Variants in RANBP2 observed in about 807,000 individuals in gnomAD.
RANBP2 encodes RAN binding protein 2, also known as E3 SUMO-protein ligase RanBP2.
A neutral mutation model predicts 303.6 loss-of-function variants in RANBP2; 57 were observed. The observed-to-expected ratio is 0.19, with a 90% CI of 0.15 to 0.23. The LOEUF (loss-of-function observed/expected upper bound fraction) is 0.23, where lower values mean the gene tolerates loss of function less well. Ranked by LOEUF, RANBP2 falls within the 10% of genes least tolerant of loss-of-function variation. RANBP2 has a pLI of 1.00. For synonymous variants in RANBP2, 1,167 were observed against 1,301.5 expected, an observed-to-expected ratio of 0.90 and a Z score of 2.23; for missense variants, 3,138 against 3,780.8, an observed-to-expected ratio of 0.83 and a Z score of 4.46.
At chr2:109,682,187 G>A in the RANBP2 span, among the ~76,000 whole-genome samples, 1 of 152,126 alleles carries the variant, frequency 6.6e-6, no homozygotes, top group Admixed American at 6.6e-5. Context: ...TTTCCTGTTG[G>A]GAAAAAGGAA....
chr2:109,443,417 A>T, the RANBP2 span, among the ~76,000 whole-genome samples: 5 of 152,246 alleles, frequency 3.3e-5, no homozygotes, highest in African/African-American at 1.2e-4. Flanking sequence ...TCAGCTGGGA[A>T]TATGAGTGTC....
the RANBP2 span, among the ~76,000 whole-genome samples, chr2:109,190,898 T>G: frequency 3.3e-5 from 5 of 151,582 alleles, no homozygotes; most frequent in Non-Finnish European, 5.9e-5. Flanking sequence ...TCAGAAAATA[T>G]GAAGAGTATT....
chr2:109,304,955 C>T, the RANBP2 span, among the ~76,000 whole-genome samples: 3 of 152,258 alleles, frequency 2.0e-5, no homozygotes, highest in African/African-American at 4.8e-5. Flanking sequence ...GTAAAATCAG[C>T]GTCAACTTAT....
intron 1 of RANBP2, among the ~76,000 whole-genome samples, chr2:108,724,086 C>G (rs879387559): frequency 2.6e-5 from 4 of 152,150 alleles, no homozygotes; most frequent in Non-Finnish European, 5.9e-5. Context: ...ATCTCATGTC[C>G]TCTTCATTTA....
chr2:109,219,646 A>G, the RANBP2 span, among the ~76,000 whole-genome samples: 4 of 152,242 alleles, frequency 2.6e-5, no homozygotes, highest in Non-Finnish European at 4.4e-5. Flanking sequence ...TTGTATTTCT[A>G]TAGACTTGAA....
chr2:109,404,356 C>T, the RANBP2 span, among the ~76,000 whole-genome samples: 1 of 152,136 alleles, frequency 6.6e-6, no homozygotes, highest in Non-Finnish European at 1.5e-5. Flanking sequence ...CGAGGCCTGG[C>T]GGGGAGTGGG....
At chr2:109,595,189 C>G in the RANBP2 span, among the ~76,000 whole-genome samples, 1 of 152,104 alleles carries the variant, frequency 6.6e-6, no homozygotes, top group African/African-American at 2.4e-5. Flanking sequence ...GCCCAGCCAA[C>G]AGTGTTTTCA....
the RANBP2 span, chr2:109,449,089 G>C: frequency 1.3e-6 from 2 of 1,484,080 alleles, no homozygotes; most frequent in Non-Finnish European, 1.8e-6. Context: ...GGGAGCCTGA[G>C]TGTGCATTGC....
chr2:109,223,002 G>T, the RANBP2 span, among the ~76,000 whole-genome samples: 1 of 152,232 alleles, frequency 6.6e-6, no homozygotes, highest in East Asian at 1.9e-4. Context: ...GCACCCTTCA[G>T]GGTGAAGAGG....
chr2:109,240,443 G>T, the RANBP2 span, among the ~76,000 whole-genome samples: 2 of 152,152 alleles, frequency 1.3e-5, no homozygotes, highest in Non-Finnish European at 2.9e-5. Flanking sequence ...AGCCAAGATC[G>T]CACCTCTGCA....
the RANBP2 span, among the ~76,000 whole-genome samples, chr2:109,532,302 A>G: frequency 6.6e-6 from 1 of 152,230 alleles, no homozygotes; most frequent in Non-Finnish European, 1.5e-5. Flanking sequence ...CAGTAAAAAC[A>G]TTCACGTTCC....
At chr2:108,812,665 A>G in the RANBP2 span, 6 of 1,613,130 alleles carry the variant, frequency 3.7e-6, no homozygotes, top group Non-Finnish European at 4.2e-6. Context: ...AGGAAGATAG[A>G]CATTCAGGCT....
At chr2:109,163,390 C>CTTTTT in the RANBP2 span, among the ~76,000 whole-genome samples, 116 of 70,266 alleles carry the variant, frequency 1.7e-3, 25 homozygotes, top group African/African-American at 4.5e-3. Context: ...AGCAAATATT[C>CTTTTT]TTTTTTTTTT....
At chr2:109,313,030 T>C in the RANBP2 span, among the ~76,000 whole-genome samples, 19 of 152,194 alleles carry the variant, frequency 1.2e-4, no homozygotes, top group Non-Finnish European at 2.6e-4. Context: ...TGGGCAAATC[T>C]GCAGTGTTAA....
At chr2:109,188,255 C>T in the RANBP2 span, among the ~76,000 whole-genome samples, 1 of 152,228 alleles carries the variant, frequency 6.6e-6, no homozygotes, top group Non-Finnish European at 1.5e-5. Context: ...AACTCCACCG[C>T]CACCCCAGCA....
At chr2:108,907,862 C>T in the RANBP2 span, 82 of 1,613,480 alleles carry the variant, frequency 5.1e-5, no homozygotes, top group South Asian at 6.6e-4. Flanking sequence ...AGCCTCACCC[C>T]GGCTGACTTG....
the RANBP2 span, among the ~76,000 whole-genome samples, chr2:108,859,662 G>A: frequency 1.4e-4 from 22 of 152,042 alleles, no homozygotes; most frequent in Non-Finnish European, 2.8e-4. Context: ...TGGTCTGTGT[G>A]TCTTTTTATA....
At chr2:108,860,422 GA>G in the RANBP2 span, among the ~76,000 whole-genome samples, 8 of 151,986 alleles carry the variant, frequency 5.3e-5, no homozygotes, top group Admixed American at 3.9e-4. Flanking sequence ...GATTTTGGGG[GA>G]AACCCTTTCA....
the RANBP2 span, among the ~76,000 whole-genome samples, chr2:108,908,236 C>G: frequency 2.0e-4 from 30 of 152,200 alleles, no homozygotes; most frequent in African/African-American, 7.0e-4. Context: ...ACAAACAAGT[C>G]CGTGGTGGGT....
Sources: gnomAD v4.1 joint callset for allele counts (sites outside exome capture counted in the v4.1 genomes callset) on GRCh38, gnomAD v4.1.1 for gene constraint, MANE v1.5 for transcripts, NCBI Gene and HGNC (gene_info 2026-07-23, HGNC 2026-07-21) for gene names.